The following GRXCR1 variants were observed in gnomAD, a reference collection of about 807,000 sequenced individuals.
GRXCR1 encodes the protein glutaredoxin and cysteine rich domain containing 1, also known as glutaredoxin domain-containing cysteine-rich protein 1.
A neutral mutation model predicts 27.3 loss-of-function variants in GRXCR1; 27 were observed. That is an observed-to-expected ratio of 0.99 (90% confidence interval 0.73 to 1.37). The LOEUF (loss-of-function observed/expected upper bound fraction) is 1.37, where lower values mean the gene tolerates loss of function less well. Among genes scored for constraint, GRXCR1 ranks in the 40% most tolerant of loss-of-function variants. GRXCR1 has a pLI of 0.00. For missense variants in GRXCR1, 379 were observed against 354.4 expected, an observed-to-expected ratio of 1.07 and a Z score of -0.56; for synonymous variants, 122 against 131.1, an observed-to-expected ratio of 0.93 and a Z score of 0.47.
chr4:43,005,328 T>C (rs1712520486), intron 2 of GRXCR1, among the ~76,000 whole-genome samples: 2 of 152,190 alleles, frequency 1.3e-5, no homozygotes, highest in South Asian at 4.1e-4. Flanking sequence ...TTTATAGCAG[T>C]TTGGGAACAG....
intron 1 of GRXCR1, among the ~76,000 whole-genome samples, chr4:42,935,537 A>G (rs532168025): frequency 6.6e-6 from 1 of 151,920 alleles, no homozygotes; most frequent in South Asian, 2.1e-4. Context: ...AAGGAAGAAT[A>G]TGTTTCTGAC....
chr4:42,915,763 G>A (rs563242497), intron 1 of GRXCR1, among the ~76,000 whole-genome samples: 2 of 152,284 alleles, frequency 1.3e-5, no homozygotes, highest in East Asian at 3.9e-4. Flanking sequence ...GTCCATTGCT[G>A]TGGAGCCTAT....
chr4:42,949,366 AAAAAAAAAAAC>A (rs1747827151), intron 1 of GRXCR1, among the ~76,000 whole-genome samples: 1 of 151,086 alleles, frequency 6.6e-6, no homozygotes, highest in Non-Finnish European at 1.5e-5. Flanking sequence ...AAAAAAAAAA[AAAAAAAAAAAC>A]AACTTTAAAA....
intron 1 of GRXCR1, among the ~76,000 whole-genome samples, chr4:42,926,329 A>G (rs756071964): frequency 3.3e-5 from 5 of 152,154 alleles, no homozygotes; most frequent in South Asian, 4.1e-4. Context: ...ATGAGCAGAA[A>G]TTATTTTTTG....
chr4:43,009,648 T>C (rs937596662), intron 2 of GRXCR1, among the ~76,000 whole-genome samples: 1 of 152,120 alleles, frequency 6.6e-6, no homozygotes, highest in Non-Finnish European at 1.5e-5. Flanking sequence ...GCCATCTTTT[T>C]CCTGTGTCAT....
chr4:42,985,677 G>A (rs1711692429), intron 2 of GRXCR1, among the ~76,000 whole-genome samples: 3 of 151,960 alleles, frequency 2.0e-5, no homozygotes, highest in Middle Eastern at 3.4e-3. Flanking sequence ...CATTTGTGAT[G>A]TACATTTTTT....
chr4:43,008,255 T>A (rs1712628746), intron 2 of GRXCR1, among the ~76,000 whole-genome samples: 1 of 152,174 alleles, frequency 6.6e-6, no homozygotes, highest in Admixed American at 6.6e-5. Context: ...ATGGATAGGT[T>A]TTCTATTAGC....
At chr4:42,965,813 G>A (rs1748225203) in intron 2 of GRXCR1, among the ~76,000 whole-genome samples, 1 of 151,972 alleles carries the variant, frequency 6.6e-6, no homozygotes, top group African/African-American at 2.4e-5. Flanking sequence ...AGGCAGACTG[G>A]GGGAGATGGG....
chr4:42,978,809 C>T (rs1374192928), intron 2 of GRXCR1, among the ~76,000 whole-genome samples: 1 of 151,594 alleles, frequency 6.6e-6, no homozygotes, highest in African/African-American at 2.4e-5. Context: ...TTGTAAGCCT[C>T]ATAATCCCTA....
At chr4:42,988,985 T>C (rs188017495) in intron 2 of GRXCR1, among the ~76,000 whole-genome samples, 1 of 152,152 alleles carries the variant, frequency 6.6e-6, no homozygotes, top group Admixed American at 6.5e-5. Context: ...ACACTTCAAC[T>C]TTCACATGTA....
At chr4:43,018,050 C>T (rs2109806018) in intron 2 of GRXCR1, among the ~76,000 whole-genome samples, 1 of 152,292 alleles carries the variant, frequency 6.6e-6, no homozygotes, top group Non-Finnish European at 1.5e-5. Context: ...GCTGCTGCTG[C>T]AGTTAGGATG....
At chr4:42,904,791 A>G (rs186413846) in intron 1 of GRXCR1, among the ~76,000 whole-genome samples, 29 of 152,294 alleles carry the variant, frequency 1.9e-4, no homozygotes, top group African/African-American at 7.0e-4. Flanking sequence ...TGAAAAAAGC[A>G]TGATTTCAGT....
At chr4:42,932,484 C>A (rs1233769821) in intron 1 of GRXCR1, among the ~76,000 whole-genome samples, 6 of 147,660 alleles carry the variant, frequency 4.1e-5, no homozygotes, top group South Asian at 2.2e-4. Flanking sequence ...GCCATGGTCT[C>A]TTAGCAGCCT....
chr4:42,910,865 T>G (rs375051397), intron 1 of GRXCR1, among the ~76,000 whole-genome samples: 28 of 152,308 alleles, frequency 1.8e-4, no homozygotes, highest in East Asian at 1.5e-3. Flanking sequence ...ATTCTTGAAA[T>G]GCTGCCACTT....
At chr4:42,976,502 G>T (rs527569912) in intron 2 of GRXCR1, among the ~76,000 whole-genome samples, 3 of 152,006 alleles carry the variant, frequency 2.0e-5, no homozygotes, top group South Asian at 2.1e-4. Flanking sequence ...TATCACAAGA[G>T]TATAGGTCAG....
chr4:42,921,419 C>G (rs1045263464), intron 1 of GRXCR1, among the ~76,000 whole-genome samples: 32 of 152,158 alleles, frequency 2.1e-4, no homozygotes, highest in African/African-American at 7.2e-4. Flanking sequence ...TAAGAGTCTT[C>G]TAAATTTGGA....
chr4:42,907,684 C>G (rs1227441859), intron 1 of GRXCR1, among the ~76,000 whole-genome samples: 2 of 152,198 alleles, frequency 1.3e-5, no homozygotes, highest in African/African-American at 2.4e-5. Flanking sequence ...TCATGACAGT[C>G]ATGGTCAGTT....
At chr4:43,007,166 G>C (rs1308467244) in intron 2 of GRXCR1, among the ~76,000 whole-genome samples, 1 of 152,188 alleles carries the variant, frequency 6.6e-6, no homozygotes, top group Non-Finnish European at 1.5e-5. Context: ...ATTTACTTGA[G>C]GATCTGAGAC....
intron 2 of GRXCR1, among the ~76,000 whole-genome samples, chr4:42,972,993 A>G (rs568025048): frequency 6.6e-6 from 1 of 152,130 alleles, no homozygotes; most frequent in South Asian, 2.1e-4. Flanking sequence ...CCCCTATTGA[A>G]CTTTCTCATC....
Sources: gnomAD v4.1 joint callset for allele counts (sites outside exome capture counted in the v4.1 genomes callset) on GRCh38, gnomAD v4.1.1 for gene constraint, MANE v1.5 for transcripts, NCBI Gene and HGNC (gene_info 2026-07-23, HGNC 2026-07-21) for gene names.